REL: variants seen among roughly 807,000 people sequenced by gnomAD.
The protein encoded by REL is proto-oncogene c-Rel.
A neutral mutation model predicts 45.9 loss-of-function variants in REL; 15 were observed. That is an observed-to-expected ratio of 0.33 (90% CI 0.22 to 0.50). REL has a LOEUF of 0.50. Ranked by LOEUF, REL falls within the 20% of genes least tolerant of loss-of-function variation. The pLI is 0.98. For synonymous variants in REL, 239 were observed against 242.1 expected, an observed-to-expected ratio of 0.99 and a Z score of 0.12; for missense variants, 601 against 715.2, an observed-to-expected ratio of 0.84 and a Z score of 1.82.
intron 3 of REL, 180 bp from the exon 4 acceptor site, chr2:60,900,812 G>A (rs1673474036): frequency 9.3e-6 from 5 of 536,272 alleles, no homozygotes; most frequent in South Asian, 4.7e-5. Flanking sequence ...CACAAGCCAC[G>A]CGCCCAGCCA....
At chr2:60,908,640 T>C (rs914066372) in intron 4 of REL, among the ~76,000 whole-genome samples, 2 of 152,218 alleles carry the variant, frequency 1.3e-5, no homozygotes, top group African/African-American at 2.4e-5. Flanking sequence ...TTTCTAGTTA[T>C]GTACTTTGGT....
In REL at chr2:60,894,388, T is replaced by A. The variant is rs373927970; in HGVS notation, c.154-9T>A. The A allele has an allele frequency of 6.9e-7, 1 of 1,450,590 alleles. No homozygotes were observed. Among genetic ancestry groups the A allele is most frequent in the African/African-American group, 1.4e-5 (1 of 69,800 alleles). 89.9% of individuals were successfully genotyped at this position (1,450,590 alleles called of 1,614,324 possible). A position where few individuals can be genotyped will look rare whatever the true frequency, so the allele number is the denominator to read the frequency against. On this transcript the variant is annotated splice_polypyrimidine_tract_variant and intron_variant, in intron 2 of 9. Coordinates refer to ENST00000394479, the MANE Select transcript of REL (RefSeq NM_001291746.2). ...TTGGATCATGTATTTAATTTCCCCC[T>A]TTTTTCAGATTATGAACTATTATGG...
At position 60,929,469 on chromosome 2, in the gene REL, C is replaced by T. The variant is rs1180221554; in HGVS notation, c.*6934C>T. 4.7e-5 allele frequency: 7 copies of T among 149,502 alleles called. No homozygotes were observed. In the South Asian group the frequency reaches 1.1e-3, roughly 23 times the overall value. 9.3% of individuals were successfully genotyped at this position (149,502 alleles called of 1,614,324 possible). On this transcript the variant is annotated 3_prime_UTR_variant, in exon 10 of 10. Coordinates refer to ENST00000394479, the MANE Select transcript of REL (RefSeq NM_001291746.2). ...GGATTAAGAAAATGTGGCACATATACACCATGGAATACTATGCAGCCATAA... is the reference window on the plus strand; with the variant it reads ...GGATTAAGAAAATGTGGCACATATATACCATGGAATACTATGCAGCCATAA...
At chr2:60,904,015 G>A (rs79906985) in intron 4 of REL, among the ~76,000 whole-genome samples, 235 of 152,224 alleles carry the variant, frequency 1.5e-3, no homozygotes, top group African/African-American at 5.5e-3. Flanking sequence ...TAAAATAGTT[G>A]TTGGTAGATA....
intron 6 of REL, 31 bp from the exon 7 acceptor site, chr2:60,918,363 A>ATT (rs149570046): frequency 2.9e-4 from 375 of 1,306,582 alleles, no homozygotes; most frequent in African/African-American, 9.7e-4. Flanking sequence ...TTGTTTTCCC[A>ATT]TTTTTTTTTT....
At chr2:60,902,595 CT>C (rs59468048) in intron 4 of REL, among the ~76,000 whole-genome samples, 242 of 120,760 alleles carry the variant, frequency 2.0e-3, no homozygotes, top group African/African-American at 2.5e-3. Context: ...ATTTAGTCAT[CT>C]TTTTTTTTTT....
At chr2:60,886,632 A>C (rs1418390084) in intron 1 of REL, among the ~76,000 whole-genome samples, 1 of 152,182 alleles carries the variant, frequency 6.6e-6, no homozygotes, top group Non-Finnish European at 1.5e-5. Flanking sequence ...TTATAATTAC[A>C]ATAATTAGCT....
chr2:60,889,466 T>C (rs895392676), intron 1 of REL, among the ~76,000 whole-genome samples: 1 of 152,168 alleles, frequency 6.6e-6, no homozygotes, highest in Non-Finnish European at 1.5e-5. Context: ...TTTTTTTTTA[T>C]TTTTTATTTT....
intron 4 of REL, among the ~76,000 whole-genome samples, chr2:60,903,602 C>G (rs371873141): frequency 1.3e-5 from 2 of 151,988 alleles, no homozygotes; most frequent in African/African-American, 4.8e-5. Flanking sequence ...GTCACAATCT[C>G]GACTTGCTGC....
intron 5 of REL, among the ~76,000 whole-genome samples, chr2:60,917,516 A>AT (rs1227974430): frequency 3.3e-5 from 4 of 121,778 alleles, no homozygotes; most frequent in Admixed American, 8.4e-5. Context: ...ATTCTTGTAT[A>AT]TTTTTTTTTA....
At chr2:60,904,780 C>T (rs949316528) in intron 4 of REL, among the ~76,000 whole-genome samples, 9 of 151,984 alleles carry the variant, frequency 5.9e-5, no homozygotes, top group Non-Finnish European at 5.9e-5. Flanking sequence ...GTCTTAGCTA[C>T]TCAGGAGGCC....
intron 1 of REL, among the ~76,000 whole-genome samples, chr2:60,884,952 ACTT>A (rs1471105477): frequency 6.6e-6 from 1 of 152,172 alleles, no homozygotes; most frequent in Non-Finnish European, 1.5e-5. Context: ...ACAGTAAATG[ACTT>A]CTTTTTTTAA....
chr2:60,887,477 T>A (rs1488191333), intron 1 of REL, among the ~76,000 whole-genome samples: 1 of 152,056 alleles, frequency 6.6e-6, no homozygotes, highest in African/African-American at 2.4e-5. Flanking sequence ...AAGGCACTGA[T>A]GAGTTAAACA....
Position 60,921,995 on chromosome 2 carries a change from G to A in REL, c.1224G>A (p.Ser408=), listed in dbSNP as rs201150601. Reference sequence around the variant, plus strand: ...CAACAAGGACACTTCCTTCTAATTCGCAAGGTATCCCACCATTCCTGAGAA... The same window carrying A: ...CAACAAGGACACTTCCTTCTAATTCACAAGGTATCCCACCATTCCTGAGAA... ...SFSTRTLPSN[S]QGIPPFLRIP... Residue 408 remains serine (S), a synonymous_variant, in exon 10 of 10, where the codon TCG becomes TCA. Transcript: ENST00000394479. The A allele has an allele frequency of 1.6e-5, 26 of 1,614,096 alleles. No individual in the cohort carries two copies. Among genetic ancestry groups the A allele is most frequent in the Admixed American group, 3.3e-5 (2 of 60,012 alleles).
At position 60,928,912 on chromosome 2, in the gene REL, C is replaced by T. The variant is rs1263331438; in HGVS notation, c.*6377C>T. The T allele has an allele frequency of 7.4e-5, 11 of 149,078 alleles. No individual in the cohort carries two copies. Among genetic ancestry groups the T allele is most frequent in the Admixed American group, 2.7e-4 (4 of 14,906 alleles). The allele number at this position is 149,078 out of a possible 1,614,324, so 9.2% of individuals were successfully genotyped here. On this transcript the variant is annotated 3_prime_UTR_variant, in exon 10 of 10. Coordinates refer to ENST00000394479, the MANE Select transcript of REL (RefSeq NM_001291746.2). ...AACCTACAAAATGGGAGAAAATTTT[C>T]GCAACCTACTTATCTGACAAAGGGC...
intron 1 of REL, 84 bp downstream of exon 1, chr2:60,881,934 C>G: frequency 1.0e-6 from 1 of 966,108 alleles, no homozygotes. Flanking sequence ...TTAGGGAGCT[C>G]AGTTTTTGCT....
At chr2:60,907,478 T>C (rs898191918) in intron 4 of REL, among the ~76,000 whole-genome samples, 2 of 151,728 alleles carry the variant, frequency 1.3e-5, no homozygotes, top group Non-Finnish European at 2.9e-5. Context: ...ACCCCATCTC[T>C]ACAAAAAATT....
At chr2:60,890,446 C>T (rs1254585269) in intron 1 of REL, among the ~76,000 whole-genome samples, 2 of 152,180 alleles carry the variant, frequency 1.3e-5, no homozygotes, top group Non-Finnish European at 2.9e-5. Flanking sequence ...CCATACTGTT[C>T]TGATAAGGCC....
intron 4 of REL, among the ~76,000 whole-genome samples, chr2:60,906,348 A>G (rs1673650473): frequency 6.6e-6 from 1 of 152,058 alleles, no homozygotes; most frequent in South Asian, 2.1e-4. Flanking sequence ...TCTCTCTTGC[A>G]TTGTTAGTGC....
Sources: allele counts gnomAD v4.1 joint callset (sites outside exome capture counted in the v4.1 genomes callset), GRCh38; gene constraint gnomAD v4.1.1; transcripts MANE v1.5; gene names NCBI Gene and HGNC (gene_info 2026-07-23, HGNC 2026-07-21).